Variants in IL20RA observed in about 807,000 individuals in gnomAD.
IL20RA encodes interleukin-20 receptor subunit alpha.
A neutral mutation model predicts 36.5 loss-of-function variants in IL20RA; 29 were observed. That is an observed-to-expected ratio of 0.79 (90% CI 0.59 to 1.08). The LOEUF is 1.08. Ranked by LOEUF, IL20RA falls within the 50% of genes least tolerant of loss-of-function variation. IL20RA has a pLI of 0.00. For missense variants in IL20RA, 652 were observed against 668.4 expected, an observed-to-expected ratio of 0.98 and a Z score of 0.27; for synonymous variants, 279 against 267.1, an observed-to-expected ratio of 1.04 and a Z score of -0.43.
Position 137,011,396 on chromosome 6 carries a change from T to G in IL20RA, c.281A>C (p.Tyr94Ser). 1 of 1,613,600 alleles carries G rather than the reference T, an allele frequency of 6.2e-7. No homozygotes were observed. The highest frequency in any genetic ancestry group is 1.3e-5 in the African/African-American group (1 of 75,028). The change falls in exon 3 of 7, where the codon TAC becomes TCC. Residue 94 changes from tyrosine to serine, a missense_variant. Transcript: ENST00000316649. ...AGAAGTTTCAGCAGAAAGATCACAG[T>G]AGGTTCTATTGATATTTCTGCATTC... Reference protein sequence around the residue: ...KSECRNINRTYCDLSAETSDY... With the variant: ...KSECRNINRTSCDLSAETSDY...
rs201995170 is a variant in IL20RA at position 137,001,775 on chromosome 6, C to T, written c.1445G>A (p.Trp482Ter). The change falls in exon 7 of 7, where the codon TGG (tryptophan) becomes TAG (stop). Residue 482 changes from tryptophan (W) to a stop codon, truncating the protein, a stop_gained. Transcript: ENST00000316649. LOFTEE classifies it low-confidence loss of function (END_TRUNC). The part of the protein sequence containing the change: ...EEEPSTTLVD[W>*]DPQTGRLCIP... ...ACACAGCCTGCCAGTTTGGGGATCC[C>T]AGTCGACCAGGGTCGTCGATGGCTC... 34 of 1,612,218 alleles carry T rather than the reference C, an allele frequency of 2.1e-5. 1 individual carries two copies. The Middle Eastern group carries it at 1.2e-3, about 55-fold the overall frequency.
intron 1 of IL20RA, among the ~76,000 whole-genome samples, chr6:137,042,204 C>G (rs1266565711): frequency 1.3e-4 from 1 of 7,904 alleles, no homozygotes; most frequent in East Asian, 0.25. Context: ...AGATGGGAAA[C>G]ACTTTGGCTT....
chr6:137,000,304 T>C lies in IL20RA; in HGVS notation c.*1254A>G, dbSNP rs1215658218. 1.3e-5 allele frequency: 2 copies of C among 152,092 alleles called. No individual in the cohort carries two copies. The highest frequency in any genetic ancestry group is 2.4e-5 in the African/African-American group (1 of 41,412). The allele number at this position is 152,092 out of a possible 1,614,324, so 9.4% of individuals were successfully genotyped here. A position where few individuals can be genotyped will look rare whatever the true frequency, so the allele number is the denominator to read the frequency against. On this transcript the variant is annotated 3_prime_UTR_variant, in exon 7 of 7. Transcript: ENST00000316649. ...TGAAAGAGCATCAATGGATTATGAGTTCATGACTAAAACAAATATATATTA... is the reference window on the plus strand; with the variant it reads ...TGAAAGAGCATCAATGGATTATGAGCTCATGACTAAAACAAATATATATTA...
intron 3 of IL20RA, among the ~76,000 whole-genome samples, chr6:137,010,985 C>G (rs1251886413): frequency 6.6e-6 from 1 of 152,028 alleles, no homozygotes; most frequent in East Asian, 1.9e-4. Context: ...GCCTGTAACC[C>G]TAACACTTTG....
rs370436203 is a variant in IL20RA, at chr6:137,008,686, G to C, written c.637C>G (p.Leu213Val). ...LVLTWLEPNT[L>V]YCVHVESFVP... The stretch of plus-strand genomic sequence containing the variant: ...AAGGACTCCACGTGTACGCAGTAAA[G>C]AGTGTTCGGCTCCAGCCAGGTGAGC... The change falls in exon 5 of 7, where the codon CTT becomes GTT. Residue 213 changes from leucine to valine, a missense_variant. Coordinates refer to ENST00000316649, the MANE Select transcript of IL20RA (RefSeq NM_014432.4). 1.9e-6 allele frequency: 3 copies of C among 1,608,426 alleles called. No homozygotes were observed. The highest frequency in any genetic ancestry group is 2.5e-6 in the Non-Finnish European group (3 of 1,177,576).
intron 1 of IL20RA, among the ~76,000 whole-genome samples, chr6:137,041,730 A>T (rs1435596660): frequency 6.6e-6 from 1 of 152,090 alleles, no homozygotes; most frequent in African/African-American, 2.4e-5. Context: ...AAGCTCCAAA[A>T]CTCAAGTTTA....
At chr6:137,011,486 GC>G in intron 2 of IL20RA, 34 bp from the exon 3 acceptor site, 3 of 1,480,768 alleles carry the variant, frequency 2.0e-6, no homozygotes, top group Non-Finnish European at 2.8e-6. Context: ...ATAATGAGGT[GC>G]CCTCTATACT....
At chr6:137,039,279 G>A (rs915994373) in intron 1 of IL20RA, among the ~76,000 whole-genome samples, 1 of 152,196 alleles carries the variant, frequency 6.6e-6, no homozygotes, top group Non-Finnish European at 1.5e-5. Context: ...ACATTGTGAG[G>A]AGTGAGGCTG....
At chr6:137,035,325 T>C (rs1776455752) in intron 1 of IL20RA, among the ~76,000 whole-genome samples, 2 of 152,318 alleles carry the variant, frequency 1.3e-5, no homozygotes, top group Admixed American at 6.5e-5. Flanking sequence ...TACATATGCA[T>C]ACATGTATAT....
intron 1 of IL20RA, among the ~76,000 whole-genome samples, chr6:137,021,584 C>A (rs1037414584): frequency 5.3e-5 from 8 of 151,378 alleles, no homozygotes; most frequent in African/African-American, 1.9e-4. Flanking sequence ...GAGGTTGGGG[C>A]AGGAGAATCA....
chr6:137,035,708 T>G (rs1776469553), intron 1 of IL20RA, among the ~76,000 whole-genome samples: 1 of 152,236 alleles, frequency 6.6e-6, no homozygotes, highest in African/African-American at 2.4e-5. Flanking sequence ...GGTAATCCTA[T>G]TTTGTTAAAT....
intron 1 of IL20RA, among the ~76,000 whole-genome samples, chr6:137,029,022 A>G (rs1387366246): frequency 6.6e-6 from 1 of 152,208 alleles, no homozygotes; most frequent in Non-Finnish European, 1.5e-5. Context: ...TATTCTGATC[A>G]GTGCGTGCCA....
At chr6:137,012,787 GA>G (rs952200997) in intron 2 of IL20RA, among the ~76,000 whole-genome samples, 2 of 152,174 alleles carry the variant, frequency 1.3e-5, no homozygotes, top group African/African-American at 4.8e-5. Context: ...TGAGAAAGAG[GA>G]TATGTCCATG....
intron 1 of IL20RA, among the ~76,000 whole-genome samples, chr6:137,018,770 C>T (rs542299494): frequency 2.4e-4 from 36 of 152,266 alleles, no homozygotes; most frequent in African/African-American, 8.7e-4. Context: ...GGAGGCAGCA[C>T]ATTGAGTATA....
At chr6:137,017,421 C>A (rs1279240343) in intron 1 of IL20RA, among the ~76,000 whole-genome samples, 1 of 152,084 alleles carries the variant, frequency 6.6e-6, no homozygotes, top group Non-Finnish European at 1.5e-5. Flanking sequence ...AATTAAGGGG[C>A]CACAATGAAG....
chr6:137,007,681 T>C (rs1775326698), intron 5 of IL20RA, among the ~76,000 whole-genome samples: 1 of 152,184 alleles, frequency 6.6e-6, no homozygotes, highest in Non-Finnish European at 1.5e-5. Flanking sequence ...CCAATCACGG[T>C]TCCTTGGCAG....
Position 137,002,267 on chromosome 6 carries a change from T to A in IL20RA, c.953A>T (p.Asp318Val). 1 of 1,613,634 alleles carries A rather than the reference T, an allele frequency of 6.2e-7. No individual in the cohort carries two copies. ...VINFITLNIS[D>V]DSKISHQDMS... Reference sequence around the variant, plus strand: ...ATCCTGATGAGAAATTTTAGAATCATCCGAGATATTGAGGGTGATAAAGTT... The same window carrying A: ...ATCCTGATGAGAAATTTTAGAATCAACCGAGATATTGAGGGTGATAAAGTT... Residue 318 changes from aspartate to valine, a missense_variant, in exon 7 of 7, where the codon GAT becomes GTT. Physicochemically the swap from Asp to Val is radical, Grantham distance 152. Transcript: ENST00000316649.
chr6:137,044,253 G>A, intron 1 of IL20RA: 1 of 991,524 alleles, frequency 1.0e-6, no homozygotes, highest in Non-Finnish European at 1.2e-6. Context: ...GGCCGCGGCG[G>A]TGGTGGCGGG....
rs1775382331 is a variant in IL20RA at position 137,009,156 on chromosome 6, G to A, written c.579+161C>T. 5 of 677,494 alleles carry A rather than the reference G, an allele frequency of 7.4e-6. No individual in the cohort carries two copies. The Admixed American group carries it at 9.1e-5, about 12-fold the overall frequency. 42.0% of individuals were successfully genotyped at this position (677,494 alleles called of 1,614,324 possible). A position where few individuals can be genotyped will look rare whatever the true frequency, so the allele number is the denominator to read the frequency against. ...GTAAAGAAGATCTGAAGTTAGTTCT[G>A]TAAAATTTCTGTATATAGAACTTTA... On this transcript the variant is annotated intron_variant, in intron 4 of 6. Coordinates refer to ENST00000316649, the MANE Select transcript of IL20RA (RefSeq NM_014432.4).
Sources: allele counts gnomAD v4.1 joint callset (sites outside exome capture counted in the v4.1 genomes callset), GRCh38; gene constraint gnomAD v4.1.1; transcripts MANE v1.5; gene names NCBI Gene and HGNC (gene_info 2026-07-23, HGNC 2026-07-21).